The following RAB19 variants were observed in gnomAD, a reference collection of about 807,000 sequenced individuals.
The protein encoded by RAB19 is RAB19, member RAS oncogene family.
RAB19 carries 21 observed loss-of-function variants against 17.3 expected under a neutral mutation model. The ratio of observed to expected loss-of-function variants is 1.21; its 90% CI spans 0.86 to 1.74. RAB19 has a LOEUF of 1.74. Ranked by LOEUF, RAB19 falls within the 40% of genes most tolerant of loss-of-function variation. The pLI is 0.00. For synonymous variants in RAB19, 126 were observed against 110.4 expected, an observed-to-expected ratio of 1.14 and a Z score of -0.88; for missense variants, 277 against 286.8, an observed-to-expected ratio of 0.97 and a Z score of 0.25.
At position 140,427,168 on chromosome 7, in the gene RAB19, T is replaced by C. The variant is rs1369800650; in HGVS notation, c.*1018T>C. Among the ~76,000 whole-genome samples, 93 of 124,692 alleles carry C rather than the reference T, an allele frequency of 7.5e-4. No individual in the cohort carries two copies. The highest frequency in any genetic ancestry group is 2.8e-3 in the African/African-American group (90 of 32,366). The allele number at this position is 124,692 out of a possible 152,430, so 81.8% of individuals were successfully genotyped here. On this transcript the variant is annotated 3_prime_UTR_variant, in exon 4 of 4. Transcript: ENST00000537763. ...TTTTTTTTTTTTTTTTTTTTGAGAC[T>C]GAGTCTCACTCTGTCACTCAGGCTG...
At chr7:140,405,893 G>T (rs967006895) in intron 1 of RAB19, among the ~76,000 whole-genome samples, 7 of 151,578 alleles carry the variant, frequency 4.6e-5, no homozygotes, top group Admixed American at 1.3e-4. Flanking sequence ...TTTTTTCAAT[G>T]ATATTCCCAG....
chr7:140,412,179 C>T, intron 3 of RAB19, 122 bp downstream of exon 3: 7 of 1,027,178 alleles, frequency 6.8e-6, no homozygotes, highest in Non-Finnish European at 1.0e-5. Context: ...CAGCCGGGCA[C>T]AGTGGCTCAC....
At chr7:140,422,722 C>T (rs1311094784) in intron 3 of RAB19, among the ~76,000 whole-genome samples, 1 of 152,000 alleles carries the variant, frequency 6.6e-6, no homozygotes, top group Non-Finnish European at 1.5e-5. Context: ...AGGCTGACTG[C>T]TTGAGCCTAG....
chr7:140,412,268 G>A (rs1039680678), intron 3 of RAB19, among the ~76,000 whole-genome samples: 5 of 151,968 alleles, frequency 3.3e-5, no homozygotes, highest in African/African-American at 4.8e-5. Context: ...TGGCTGACAC[G>A]GTGAAACCCC....
Position 140,425,822 on chromosome 7 carries a change from A to ATT in RAB19, c.386-57_386-56dup, listed in dbSNP as rs968490516. The stretch of plus-strand genomic sequence containing the variant: ...AACTAAAATGTTACTTGTAAAGTTC[A>ATT]TTTTGAAAGAAACCAGATTAAGTTA... On this transcript the variant is annotated intron_variant, in intron 3 of 3. Coordinates refer to ENST00000537763, the MANE Select transcript of RAB19 (RefSeq NM_001008749.3). The ATT allele has an allele frequency of 2.0e-6, 3 of 1,530,962 alleles. No homozygotes were observed. The African/African-American group carries it at 4.2e-5, about 21-fold the overall frequency. 94.8% of individuals were successfully genotyped at this position (1,530,962 alleles called of 1,614,324 possible).
At chr7:140,418,401 A>G (rs1454575861) in intron 3 of RAB19, among the ~76,000 whole-genome samples, 4 of 52,344 alleles carry the variant, frequency 7.6e-5, no homozygotes, top group Non-Finnish European at 1.6e-4. Context: ...AAATACAAAA[A>G]AAAAAAAAAA....
chr7:140,411,974 GGCGGTCCAC>G lies in RAB19; in HGVS notation c.304_312del (p.Arg102_Thr104del), dbSNP rs775264395. On this transcript the variant is annotated inframe_deletion, in exon 3 of 4. Transcript: ENST00000537763. ...GCCATCATCGCCTATGACCTCACCC[GGCGGTCCAC>G]GTTCGAGTCCATCCCTCACTGGATT... The G allele has an allele frequency of 3.2e-5, 52 of 1,613,996 alleles. 2 individuals carry two copies. The Admixed American group carries it at 8.5e-4, about 26-fold the overall frequency.
intron 2 of RAB19, among the ~76,000 whole-genome samples, chr7:140,408,845 A>G (rs929964538): frequency 1.3e-5 from 2 of 151,856 alleles, no homozygotes; most frequent in African/African-American, 4.8e-5. Context: ...TCCAGCCTCC[A>G]TCTCCCCGAC....
intron 2 of RAB19, among the ~76,000 whole-genome samples, chr7:140,410,523 T>A (rs889810048): frequency 6.6e-6 from 1 of 151,964 alleles, no homozygotes; most frequent in African/African-American, 2.4e-5. Context: ...AGACGGGGTT[T>A]CACCTTGTTA....
At chr7:140,408,934 A>G (rs1470010575) in intron 2 of RAB19, among the ~76,000 whole-genome samples, 1 of 152,072 alleles carries the variant, frequency 6.6e-6, no homozygotes, top group Admixed American at 6.6e-5. Flanking sequence ...CCTTTTTTAA[A>G]TTTGTTGTAG....
At chr7:140,407,343 G>A (rs896803950) in intron 1 of RAB19, among the ~76,000 whole-genome samples, 5 of 152,112 alleles carry the variant, frequency 3.3e-5, no homozygotes, top group Non-Finnish European at 2.9e-5. Flanking sequence ...CTCGTCTCCA[G>A]GCCTAGGATA....
chr7:140,424,677 A>G (rs1799631853), intron 3 of RAB19, among the ~76,000 whole-genome samples: 1 of 96,622 alleles, frequency 1.0e-5, no homozygotes, highest in Admixed American at 1.2e-4. Context: ...ATATATATAT[A>G]TATATACACA....
At chr7:140,410,193 C>T (rs1799328274) in intron 2 of RAB19, among the ~76,000 whole-genome samples, 1 of 151,468 alleles carries the variant, frequency 6.6e-6, no homozygotes, top group South Asian at 2.1e-4. Context: ...GGCAGTGGCG[C>T]ATGATCTCAG....
At position 140,425,411 on chromosome 7, in the gene RAB19, G is replaced by A. The variant is rs1234306646; in HGVS notation, c.386-471G>A. Reference sequence around the variant, plus strand: ...CAGCATCCAACACTCTGCTGTTTGAGGGGGAGAAAAAGAGAGTAAAAAGAG... The same window carrying A: ...CAGCATCCAACACTCTGCTGTTTGAAGGGGAGAAAAAGAGAGTAAAAAGAG... On this transcript the variant is annotated intron_variant, in intron 3 of 3. Coordinates refer to ENST00000537763, the MANE Select transcript of RAB19 (RefSeq NM_001008749.3). Among the ~76,000 whole-genome samples, 3 of 152,186 alleles carry A rather than the reference G, an allele frequency of 2.0e-5. No homozygotes were observed. The East Asian group carries it at 5.8e-4, about 29-fold the overall frequency.
At chr7:140,416,289 T>C (rs959184608) in intron 3 of RAB19, among the ~76,000 whole-genome samples, 7 of 151,858 alleles carry the variant, frequency 4.6e-5, no homozygotes, top group African/African-American at 1.5e-4. Flanking sequence ...GATCACACCA[T>C]TGCACTCCAG....
At position 140,405,788 on chromosome 7, in the gene RAB19, CA is replaced by C. The variant is rs35424074; in HGVS notation, c.-24+1590del. 2.5e-3 allele frequency among the ~76,000 whole-genome samples: 268 copies of C among 108,692 alleles called. 2 individuals are homozygous for C. Among genetic ancestry groups the C allele is most frequent in the Middle Eastern group, 4.9e-3 (1 of 206 alleles). The allele number at this position is 108,692 out of a possible 152,430, so 71.3% of individuals were successfully genotyped here. On this transcript the variant is annotated intron_variant, in intron 1 of 3. Transcript: ENST00000537763. Reference sequence around the variant, plus strand: ...TCGGTGACAGAGCGAGACTCTGTCTCAAAAAAAAAAAAAAAAAAAGAATACT... The same window carrying C: ...TCGGTGACAGAGCGAGACTCTGTCTCAAAAAAAAAAAAAAAAAAGAATACT...
rs367968172 is a variant in RAB19 at position 140,422,346 on chromosome 7, G to A, written c.386-3536G>A. Among the ~76,000 whole-genome samples, 55 of 152,098 alleles carry A rather than the reference G, an allele frequency of 3.6e-4. No individual in the cohort carries two copies. In the South Asian group the frequency reaches 0.011, roughly 30 times the overall value. ...GGGGGTTGCAGTGAGCCAAGATCAT[G>A]CCACTGTACTCCAGCCTGGGCAACA... On this transcript the variant is annotated intron_variant, in intron 3 of 3. Transcript: ENST00000537763.
At chr7:140,410,056 A>G (rs886147216) in intron 2 of RAB19, among the ~76,000 whole-genome samples, 4 of 151,252 alleles carry the variant, frequency 2.6e-5, no homozygotes, top group African/African-American at 9.7e-5. Flanking sequence ...ACTTCAAAGA[A>G]ATCAACAGAA....
At chr7:140,410,356 G>A (rs913493355) in intron 2 of RAB19, among the ~76,000 whole-genome samples, 45 of 105,020 alleles carry the variant, frequency 4.3e-4, no homozygotes, top group African/African-American at 1.5e-3. Flanking sequence ...GTCTCGCCCT[G>A]TCACCCAGGC....
Sources: gnomAD v4.1 joint callset for allele counts (sites outside exome capture counted in the v4.1 genomes callset) on GRCh38, gnomAD v4.1.1 for gene constraint, MANE v1.5 for transcripts, NCBI Gene and HGNC (gene_info 2026-07-23, HGNC 2026-07-21) for gene names.